The following NHSL1 variants were observed in gnomAD, a reference collection of about 807,000 sequenced individuals.
NHSL1 encodes the protein NHS like 1, also known as NHS-like protein 1.
NHSL1 carries 48 observed loss-of-function variants against 95.0 expected under a neutral mutation model. That is an observed-to-expected ratio of 0.51 (90% CI 0.40 to 0.64). The LOEUF (loss-of-function observed/expected upper bound fraction) is 0.64, where lower values mean the gene tolerates loss of function less well. NHSL1 is among the 30% of genes least tolerant of loss of function. The probability of loss-of-function intolerance (pLI) is 0.00; values close to 1 mark genes in which losing one functional copy is unlikely to be tolerated. For missense variants in NHSL1, 1,971 were observed against 2,077.7 expected (o/e 0.95, Z 1.00); for synonymous variants, 783 against 833.9 (o/e 0.94, Z 1.05).
chr6:138,669,423 C>T (rs867811235), intron 1 of NHSL1, among the ~76,000 whole-genome samples: 5 of 152,054 alleles, frequency 3.3e-5, no homozygotes, highest in South Asian at 2.1e-4. Flanking sequence ...TTTATACTGC[C>T]GAGTTCCCAA....
chr6:138,563,354 C>T (rs182522739), intron 1 of NHSL1, among the ~76,000 whole-genome samples: 2 of 152,244 alleles, frequency 1.3e-5, no homozygotes, highest in East Asian at 3.9e-4. Context: ...CAGGATTTGA[C>T]GTCAACACTG....
chr6:138,504,978 C>A (rs188956931), intron 1 of NHSL1, among the ~76,000 whole-genome samples: 1 of 152,150 alleles, frequency 6.6e-6, no homozygotes, highest in African/African-American at 2.4e-5. Context: ...GACTCTGTTA[C>A]GACCCATGCT....
At chr6:138,427,961 G>T (rs1263211833) in intron 7 of NHSL1, among the ~76,000 whole-genome samples, 1 of 152,106 alleles carries the variant, frequency 6.6e-6, no homozygotes, top group Non-Finnish European at 1.5e-5. Flanking sequence ...TCTCTCATAC[G>T]TGCACTGAGT....
chr6:138,489,989 A>AGGGG (rs1779979665), intron 2 of NHSL1, among the ~76,000 whole-genome samples: 1 of 136,722 alleles, frequency 7.3e-6, no homozygotes, highest in African/African-American at 3.2e-5. Flanking sequence ...AGAGGGGGAG[A>AGGGG]GAGAGAGAGA....
chr6:138,574,671 G>GT (rs1554253945), upstream of NHSL1, among the ~76,000 whole-genome samples: 63 of 117,534 alleles, frequency 5.4e-4, 1 homozygote, highest in South Asian at 0.014. Flanking sequence ...TACAAATAAT[G>GT]CAAAAAAAAA....
In NHSL1 at chr6:138,652,330, AC is replaced by A. The variant is rs1282962194; in HGVS notation, c.96+40145del. Among the ~76,000 whole-genome samples the A allele has an allele frequency of 7.9e-5, 12 of 151,654 alleles. No homozygotes were observed. The East Asian group carries it at 2.3e-3, about 29-fold the overall frequency. On this transcript the variant is annotated intron_variant, in intron 1 of 3. Coordinates refer to the NHSL1 transcript ENST00000491526. ...GCGGCTCATGCCTGTAATCCCAGCT[AC>A]TCGGGAGGTTGAAGCAGGAGAATCA...
intron 1 of NHSL1, among the ~76,000 whole-genome samples, chr6:138,520,010 G>A (rs1781610395): frequency 6.6e-6 from 1 of 152,032 alleles, no homozygotes; most frequent in African/African-American, 2.4e-5. Context: ...GGAATACAGG[G>A]TTTTTCCCAT....
At chr6:138,515,836 G>A (rs1183412600) in intron 1 of NHSL1, among the ~76,000 whole-genome samples, 3 of 152,224 alleles carry the variant, frequency 2.0e-5, no homozygotes, top group Non-Finnish European at 4.4e-5. Context: ...GAGGAAAACA[G>A]ATATGAAACA....
At chr6:138,620,785 C>T (rs566326482) in intron 1 of NHSL1, among the ~76,000 whole-genome samples, 2 of 152,296 alleles carry the variant, frequency 1.3e-5, no homozygotes, top group South Asian at 2.1e-4. Flanking sequence ...GCCCCAGCAG[C>T]GTGTGGCAAT....
At chr6:138,487,398 C>T (rs1046130405) in intron 2 of NHSL1, among the ~76,000 whole-genome samples, 6 of 152,208 alleles carry the variant, frequency 3.9e-5, no homozygotes, top group African/African-American at 1.4e-4. Flanking sequence ...CTCTGGCTAG[C>T]TTTCAGCCTC....
chr6:138,550,796 GGCAAAACACAAAACAAAATTATACAA>G (rs1215142059), intron 1 of NHSL1, among the ~76,000 whole-genome samples: 1 of 152,030 alleles, frequency 6.6e-6, no homozygotes, highest in Non-Finnish European at 1.5e-5. Flanking sequence ...CTTCATTCCT[GGCAAAACACAAAACAAAATTATACAA>G]GCAAAACAGG....
chr6:138,654,397 C>T (rs1785130014), intron 1 of NHSL1, among the ~76,000 whole-genome samples: 1 of 152,150 alleles, frequency 6.6e-6, no homozygotes, highest in Admixed American at 6.5e-5. Flanking sequence ...AAATTTTGAA[C>T]ATGCATATCC....
intron 7 of NHSL1, among the ~76,000 whole-genome samples, chr6:138,429,237 C>A (rs1775463970): frequency 6.6e-6 from 1 of 152,082 alleles, no homozygotes; most frequent in Non-Finnish European, 1.5e-5. Flanking sequence ...ACTTAAGCAG[C>A]CAAAGAAATT....
intron 1 of NHSL1, among the ~76,000 whole-genome samples, chr6:138,584,896 T>C (rs1306306711): frequency 6.6e-6 from 1 of 152,152 alleles, no homozygotes; most frequent in African/African-American, 2.4e-5. Context: ...CACGCAGGCA[T>C]TTCCCTGAAA....
chr6:138,635,223 T>C (rs932445245), intron 1 of NHSL1, among the ~76,000 whole-genome samples: 9 of 152,110 alleles, frequency 5.9e-5, no homozygotes, highest in African/African-American at 1.2e-4. Flanking sequence ...TACAAAATGT[T>C]GTATTTTTGG....
intron 1 of NHSL1, among the ~76,000 whole-genome samples, chr6:138,530,742 T>C (rs1436115474): frequency 6.6e-6 from 1 of 152,124 alleles, no homozygotes; most frequent in Middle Eastern, 3.2e-3. Context: ...TTACCAAATA[T>C]AGTGATATAT....
At position 138,434,616 on chromosome 6, in the gene NHSL1, C is replaced by A. The variant is rs1775951570; in HGVS notation, c.665-936G>T. Among the ~76,000 whole-genome samples, 6 of 152,048 alleles carry A rather than the reference C, an allele frequency of 3.9e-5. No homozygotes were observed. In the South Asian group the frequency reaches 1.0e-3, roughly 26 times the overall value. On this transcript the variant is annotated intron_variant, in intron 5 of 7. Transcript: ENST00000343505. ...AAAAAAGTCAATCCTTAAGACAAAT[C>A]GAATCTCTAAAAATAGTAGTAAAAC...
intron 1 of NHSL1, among the ~76,000 whole-genome samples, chr6:138,624,545 T>A (rs1244292545): frequency 1.3e-5 from 2 of 152,130 alleles, no homozygotes; most frequent in Non-Finnish European, 2.9e-5. Context: ...TTAGATTACC[T>A]AGGGAAATCA....
rs551804594 is a variant in NHSL1, at chr6:138,433,702, G to C, written c.665-22C>G. The C allele has an allele frequency of 3.5e-5, 52 of 1,489,472 alleles. No individual in the cohort carries two copies. In the Admixed American group the frequency reaches 1.1e-3, roughly 32 times the overall value. 92.3% of individuals were successfully genotyped at this position (1,489,472 alleles called of 1,614,324 possible). A position where few individuals can be genotyped will look rare whatever the true frequency, so the allele number is the denominator to read the frequency against. ...GATGCTGGAGATAAAGCAGAAAGAG[G>C]CTTGTTACCTGAAAATAAAATCCAT... On this transcript the variant is annotated intron_variant, in intron 5 of 7. Coordinates refer to ENST00000343505, the MANE Select transcript of NHSL1 (RefSeq NM_001144060.2).
Sources: gnomAD v4.1 joint callset for allele counts (sites outside exome capture counted in the v4.1 genomes callset) on GRCh38, gnomAD v4.1.1 for gene constraint, MANE v1.5 for transcripts, NCBI Gene and HGNC (gene_info 2026-07-23, HGNC 2026-07-21) for gene names.